The following EHHADH variants were observed in gnomAD, a reference collection of about 807,000 sequenced individuals.
EHHADH encodes the protein enoyl-CoA hydratase and 3-hydroxyacyl CoA dehydrogenase.
A neutral mutation model predicts 64.4 loss-of-function variants in EHHADH; 48 were observed. The observed-to-expected ratio is 0.75, with a 90% CI of 0.59 to 0.95. EHHADH has a LOEUF of 0.95. Among genes scored for constraint, EHHADH ranks in the 40% least tolerant of loss-of-function variants. The pLI is 0.00. For synonymous variants in EHHADH, 308 were observed against 326.7 expected, an observed-to-expected ratio of 0.94 and a Z score of 0.62; for missense variants, 854 against 876.6, an observed-to-expected ratio of 0.97 and a Z score of 0.33.
At chr3:185,244,306 A>G (rs1719535922) in intron 2 of EHHADH, among the ~76,000 whole-genome samples, 1 of 152,098 alleles carries the variant, frequency 6.6e-6, no homozygotes, top group Non-Finnish European at 1.5e-5. Context: ...GCCTGTCTAT[A>G]TGTTTAAGTG....
At chr3:185,213,408 G>GT (rs774152941) in intron 5 of EHHADH, among the ~76,000 whole-genome samples, 1 of 152,130 alleles carries the variant, frequency 6.6e-6, no homozygotes, top group Non-Finnish European at 1.5e-5. Flanking sequence ...GATGCACAGT[G>GT]AAGTTTGAGG....
chr3:185,243,487 G>C (rs951368489), intron 2 of EHHADH, among the ~76,000 whole-genome samples: 1 of 151,976 alleles, frequency 6.6e-6, no homozygotes, highest in Non-Finnish European at 1.5e-5. Context: ...TCTGGGTTTG[G>C]TTTTTTTCTT....
intron 4 of EHHADH, among the ~76,000 whole-genome samples, chr3:185,219,611 G>T (rs970855275): frequency 2.6e-5 from 4 of 152,150 alleles, no homozygotes; most frequent in African/African-American, 9.7e-5. Flanking sequence ...ATATTCTGAG[G>T]TAAGAGGTAG....
intron 2 of EHHADH, among the ~76,000 whole-genome samples, chr3:185,236,406 G>A (rs921300497): frequency 1.7e-5 from 1 of 57,746 alleles, no homozygotes; most frequent in Non-Finnish European, 3.3e-5. Context: ...CACTACCCCT[G>A]TCCATGGAAA....
Position 185,192,339 on chromosome 3 carries a change from G to C in EHHADH, c.2059C>G (p.Pro687Ala). The C allele has an allele frequency of 2.5e-6, 4 of 1,614,114 alleles. No homozygotes were observed. Among genetic ancestry groups the C allele is most frequent in the Non-Finnish European group, 3.4e-6 (4 of 1,180,032 alleles). The change falls in exon 7 of 7, where the codon CCT becomes GCT. Residue 687 changes from proline to alanine, a missense_variant. Pro to Ala is a conservative substitution (Grantham distance 27). Transcript: ENST00000231887. ...EKLQKYYRQN[P>A]DIPQLEPSDY... ...CTTGGCTCCAGTTGGGGAATATCAGGGTTCTGCCTGTAATATTTCTGCAAT... is the reference window on the plus strand; with the variant it reads ...CTTGGCTCCAGTTGGGGAATATCAGCGTTCTGCCTGTAATATTTCTGCAAT...
rs115621568 is a variant in EHHADH, at chr3:185,196,919, T to A, written c.911-3432A>T. Among the ~76,000 whole-genome samples, 624 of 152,070 alleles carry A rather than the reference T, an allele frequency of 4.1e-3. 2 individuals are homozygous for A. The highest frequency in any genetic ancestry group is 6.0e-3 in the Non-Finnish European group (411 of 67,970). The stretch of plus-strand genomic sequence containing the variant: ...CAGGAGGCTGAGGTGGGAGGATTGC[T>A]TGGGCTCAGGAGGCAGTGGTTGCAA... On this transcript the variant is annotated intron_variant, in intron 6 of 6. Coordinates refer to ENST00000231887, the MANE Select transcript of EHHADH (RefSeq NM_001966.4).
Position 185,251,608 on chromosome 3 carries a change from ATGTGTG to A in EHHADH, c.74+2335_74+2340del, listed in dbSNP as rs3072431. Among the ~76,000 whole-genome samples the A allele has an allele frequency of 1.7e-3, 254 of 148,840 alleles. 1 individual carries two copies. The highest frequency in any genetic ancestry group is 3.4e-3 in the Middle Eastern group (1 of 292). The stretch of plus-strand genomic sequence containing the variant: ...TATTTGTTTTGGGGAAAAAATTTAT[ATGTGTG>A]TGTGTGTGTGTGTGTGTGTGTGTGT... On this transcript the variant is annotated intron_variant, in intron 1 of 6. Transcript: ENST00000231887.
rs749543238 is a variant in EHHADH, at chr3:185,192,834, AC to A, written c.1563del (p.Ser522LeufsTer47). ...EFGFKMGPFR[V>X]SDLAGLDVGW... ...CCCACATCCAACCCAGCAAGATCAGACACTCTAAAAGGTCCCATTTTAAAAC... is the reference window on the plus strand; with the variant it reads ...CCCACATCCAACCCAGCAAGATCAGAACTCTAAAAGGTCCCATTTTAAAAC... On this transcript the variant is annotated frameshift_variant, in exon 7 of 7. Transcript: ENST00000231887. LOFTEE classifies it high-confidence loss of function. 1 of 1,614,138 alleles carries A rather than the reference AC, an allele frequency of 6.2e-7. No individual in the cohort carries two copies. Among genetic ancestry groups the A allele is most frequent in the African/African-American group, 1.3e-5 (1 of 75,022 alleles).
chr3:185,239,055 T>C (rs1719378905), intron 2 of EHHADH, among the ~76,000 whole-genome samples: 1 of 152,140 alleles, frequency 6.6e-6, no homozygotes, highest in Non-Finnish European at 1.5e-5. Flanking sequence ...CCTTTCCCAT[T>C]GCATATTTTT....
intron 2 of EHHADH, among the ~76,000 whole-genome samples, chr3:185,238,688 C>T (rs893305231): frequency 3.3e-5 from 5 of 152,000 alleles, no homozygotes; most frequent in African/African-American, 1.2e-4. Context: ...TTATAGATTC[C>T]AGATATTAGT....
chr3:185,224,218 G>A (rs988263231), intron 4 of EHHADH, among the ~76,000 whole-genome samples: 2 of 151,296 alleles, frequency 1.3e-5, no homozygotes, highest in South Asian at 2.1e-4. Context: ...AAAAAATTTC[G>A]GCCGGGCGCA....
intron 2 of EHHADH, among the ~76,000 whole-genome samples, chr3:185,240,199 T>C (rs1443616738): frequency 6.6e-6 from 1 of 151,940 alleles, no homozygotes; most frequent in Admixed American, 6.6e-5. Context: ...TTTATGTTCA[T>C]CAGTTATATT....
chr3:185,245,878 C>A (rs1577377630), intron 2 of EHHADH: 7 of 1,093,234 alleles, frequency 6.4e-6, no homozygotes, highest in Admixed American at 3.5e-5. Flanking sequence ...TATCTGGATT[C>A]TTTTCCCTCA....
intron 1 of EHHADH, among the ~76,000 whole-genome samples, chr3:185,250,827 C>G (rs1719726264): frequency 6.6e-6 from 1 of 152,106 alleles, no homozygotes; most frequent in Non-Finnish European, 1.5e-5. Flanking sequence ...AATTCAGAAC[C>G]ATTATATAAC....
Position 185,226,243 on chromosome 3 carries a change from CACTGTGTGAAT to C in EHHADH, c.463+3178_463+3188del, listed in dbSNP as rs1408062625. On this transcript the variant is annotated intron_variant, in intron 4 of 6. Transcript: ENST00000231887. ...TCTTTCTGGAGGAAGCGAGCTGTCACACTGTGTGAATACTCAGGAAGCTCTATGGAGAGGTC... is the reference window on the plus strand; with the variant it reads ...TCTTTCTGGAGGAAGCGAGCTGTCACACTCAGGAAGCTCTATGGAGAGGTC... Among the ~76,000 whole-genome samples the C allele has an allele frequency of 5.9e-5, 9 of 152,330 alleles. No homozygotes were observed. In the South Asian group the frequency reaches 6.2e-4, roughly 11 times the overall value.
chr3:185,229,868 A>G (rs1191159552), intron 3 of EHHADH, among the ~76,000 whole-genome samples: 3 of 152,250 alleles, frequency 2.0e-5, no homozygotes, highest in African/African-American at 7.2e-5. Context: ...GAAACACAAG[A>G]AAGTGAAAAG....
At chr3:185,193,515 G>C in intron 6 of EHHADH, 28 bp from the exon 7 acceptor site, 1 of 1,608,500 alleles carries the variant, frequency 6.2e-7, no homozygotes, top group African/African-American at 1.3e-5. Context: ...AGGAGAAAAA[G>C]AATGATTCAG....
chr3:185,192,029 T>G lies in EHHADH; in HGVS notation c.*197A>C. On this transcript the variant is annotated 3_prime_UTR_variant, in exon 7 of 7. Transcript: ENST00000231887. ...AAGTTCATGCATTGAATTTATCTGA[T>G]AAGGACAGATTCAGAGGCATAGGAA... The G allele has an allele frequency of 6.4e-6, 4 of 623,218 alleles. No homozygotes were observed. The highest frequency in any genetic ancestry group is 1.1e-5 in the Non-Finnish European group (4 of 365,316). The allele number at this position is 623,218 out of a possible 1,614,324, so 38.6% of individuals were successfully genotyped here.
intron 4 of EHHADH, among the ~76,000 whole-genome samples, chr3:185,227,459 G>A (rs1719009563): frequency 6.6e-6 from 1 of 151,828 alleles, no homozygotes; most frequent in Non-Finnish European, 1.5e-5. Flanking sequence ...GTGAACTCAG[G>A]AGGCAGAGGT....
Sources: allele counts gnomAD v4.1 joint callset (sites outside exome capture counted in the v4.1 genomes callset), GRCh38; gene constraint gnomAD v4.1.1; transcripts MANE v1.5; gene names NCBI Gene and HGNC (gene_info 2026-07-23, HGNC 2026-07-21).